The following SSU72L2 variants were observed in gnomAD, a reference collection of about 807,000 sequenced individuals.
The protein encoded by SSU72L2 is SSU72 like 2.
chr11:4,242,008 C>T, the SSU72L2 span: 1 of 613,156 alleles, frequency 1.6e-6, no homozygotes, highest in Non-Finnish European at 2.9e-6. Flanking sequence ...GACTAAAGTC[C>T]CATGTCTAAG....
the SSU72L2 span, among the ~76,000 whole-genome samples, chr11:4,241,692 T>C: frequency 6.8e-5 from 10 of 146,804 alleles, no homozygotes; most frequent in Non-Finnish European, 1.5e-5. Flanking sequence ...ATGTTATTTA[T>C]CTGCTGAATA....
the SSU72L2 span, chr11:4,242,554 T>G: frequency 1.9e-3 from 1,434 of 748,100 alleles, 17 homozygotes; most frequent in African/African-American, 0.023. Flanking sequence ...CACTTAGCCC[T>G]TTTTTCCTGA....
the SSU72L2 span, among the ~76,000 whole-genome samples, chr11:4,241,699 A>C: frequency 6.8e-6 from 1 of 146,830 alleles, no homozygotes; most frequent in Non-Finnish European, 1.5e-5. Context: ...TTATCTGCTG[A>C]ATACCCTTAA....
chr11:4,242,302 C>CA, the SSU72L2 span: 1 of 723,732 alleles, frequency 1.4e-6, no homozygotes, highest in African/African-American at 1.7e-5. Flanking sequence ...CATAGACACT[C>CA]TCCTCACAGG....
chr11:4,242,698 G>C, the SSU72L2 span: 1 of 571,118 alleles, frequency 1.8e-6, no homozygotes, highest in Admixed American at 3.1e-5. Context: ...CAGGGTCTCG[G>C]AGCCGAGGAG....
the SSU72L2 span, chr11:4,241,961 T>C: frequency 2.4e-5 from 14 of 593,886 alleles, no homozygotes; most frequent in Non-Finnish European, 3.6e-5. Flanking sequence ...CAGTACTCAG[T>C]GGAAGGTCTT....
chr11:4,241,744 G>A, the SSU72L2 span, among the ~76,000 whole-genome samples: 3 of 147,370 alleles, frequency 2.0e-5, no homozygotes, highest in East Asian at 2.0e-4. Context: ...TTATCAGCTC[G>A]GTTTGCTCAT....
chr11:4,242,512 C>T, the SSU72L2 span: 75,991 of 766,780 alleles, frequency 0.099, 198 homozygotes, highest in African/African-American at 0.22. Flanking sequence ...GTCCTGGTAG[C>T]CTCACATGAG....
At chr11:4,241,773 G>A in the SSU72L2 span, among the ~76,000 whole-genome samples, 1 of 149,064 alleles carries the variant, frequency 6.7e-6, no homozygotes, top group Non-Finnish European at 1.5e-5. Context: ...TGGCGTCATG[G>A]TGGGCTAGCT....
the SSU72L2 span, among the ~76,000 whole-genome samples, chr11:4,241,813 A>C: frequency 6.7e-6 from 1 of 148,802 alleles, no homozygotes; most frequent in African/African-American, 2.5e-5. Flanking sequence ...GCATGAAATT[A>C]GTTATCCCAT....
the SSU72L2 span, chr11:4,242,681 G>A: frequency 9.9e-5 from 57 of 575,878 alleles, 1 homozygote; most frequent in East Asian, 1.5e-3. Flanking sequence ...AGGCACCTCA[G>A]CTGCTGCAGG....
At chr11:4,242,415 A>G in the SSU72L2 span, 2 of 780,258 alleles carry the variant, frequency 2.6e-6, no homozygotes, top group South Asian at 2.7e-5. Flanking sequence ...TTGCGGGTGT[A>G]GCATTCTCTA....
chr11:4,241,706 T>C, the SSU72L2 span, among the ~76,000 whole-genome samples: 1 of 147,038 alleles, frequency 6.8e-6, no homozygotes, highest in African/African-American at 2.5e-5. Flanking sequence ...CTGAATACCC[T>C]TAAACAAATC....
the SSU72L2 span, among the ~76,000 whole-genome samples, chr11:4,241,894 A>G: frequency 6.7e-6 from 1 of 149,272 alleles, no homozygotes; most frequent in African/African-American, 2.5e-5. Flanking sequence ...CATTTCCCAT[A>G]AAATATTTTC....
chr11:4,242,692 G>T, the SSU72L2 span: 52 of 574,036 alleles, frequency 9.1e-5, 2 homozygotes, highest in South Asian at 1.2e-3. Flanking sequence ...CTGCTGCAGG[G>T]TCTCGGAGCC....
the SSU72L2 span, chr11:4,242,702 C>T: frequency 0.17 from 96,802 of 561,064 alleles, 6,597 homozygotes; most frequent in East Asian, 0.36. Context: ...GTCTCGGAGC[C>T]GAGGAGACGA....
At chr11:4,242,023 T>C in the SSU72L2 span, 23 of 613,630 alleles carry the variant, frequency 3.7e-5, no homozygotes, top group Admixed American at 5.3e-4. Flanking sequence ...TCTAAGTTCT[T>C]ACTGAGGAAG....
chr11:4,242,564 A>T, the SSU72L2 span: 2 of 743,842 alleles, frequency 2.7e-6, no homozygotes, highest in Non-Finnish European at 4.9e-6. Context: ...TTTTTTCCTG[A>T]GGATGCTGTG....
chr11:4,242,013 T>C, the SSU72L2 span: 2,426 of 583,324 alleles, frequency 4.2e-3, 52 homozygotes, highest in Middle Eastern at 7.4e-3. Flanking sequence ...AAGTCCCATG[T>C]CTAAGTTCTT....
Sources: allele counts gnomAD v4.1 joint callset (sites outside exome capture counted in the v4.1 genomes callset), GRCh38; gene constraint gnomAD v4.1.1; transcripts MANE v1.5; gene names NCBI Gene and HGNC (gene_info 2026-07-23, HGNC 2026-07-21).